ALDH8A1: variants seen among roughly 807,000 people sequenced by gnomAD.
ALDH8A1 encodes the protein 2-aminomuconic semialdehyde dehydrogenase.
A neutral mutation model predicts 43.3 loss-of-function variants in ALDH8A1; 39 were observed. That is an observed-to-expected ratio of 0.90 (90% CI 0.70 to 1.18). The LOEUF is 1.18. Ranked by LOEUF, ALDH8A1 falls within the 50% of genes most tolerant of loss-of-function variation. The pLI is 0.00. For missense variants in ALDH8A1, 605 were observed against 622.6 expected, an observed-to-expected ratio of 0.97 and a Z score of 0.30; for synonymous variants, 233 against 243.5, an observed-to-expected ratio of 0.96 and a Z score of 0.40.
chr6:134,927,857 G>T (rs1776912090), intron 6 of ALDH8A1, among the ~76,000 whole-genome samples: 1 of 152,098 alleles, frequency 6.6e-6, no homozygotes, highest in Non-Finnish European at 1.5e-5. Flanking sequence ...GTGTGGGCAG[G>T]CAGGCAGGGA....
Position 134,946,786 on chromosome 6 carries a change from G to GCATGTGTGCGCGCA in ALDH8A1, c.139-2821_139-2820insTGCGCGCACACATG, listed in dbSNP as rs1562261616. Among the ~76,000 whole-genome samples, 215 of 150,150 alleles carry GCATGTGTGCGCGCA rather than the reference G, an allele frequency of 1.4e-3. 1 individual carries two copies. Among genetic ancestry groups the GCATGTGTGCGCGCA allele is most frequent in the African/African-American group, 4.5e-3 (178 of 39,736 alleles). ...CACACAGGTGCGCATGTGTGCGCGC[G>GCATGTGTGCGCGCA]CGCACAGGTGCGCATGTGTGCGTGC... On this transcript the variant is annotated intron_variant, in intron 1 of 6. Transcript: ENST00000265605.
At chr6:134,938,417 C>T (rs1160001512) in intron 4 of ALDH8A1, among the ~76,000 whole-genome samples, 1 of 152,162 alleles carries the variant, frequency 6.6e-6, no homozygotes, top group Non-Finnish European at 1.5e-5. Flanking sequence ...AAGGAGCAAA[C>T]GTGTGAACCT....
chr6:134,943,679 G>A, intron 2 of ALDH8A1, 140 bp downstream of exon 2: 1 of 1,318,508 alleles, frequency 7.6e-7, no homozygotes, highest in Non-Finnish European at 1.0e-6. Context: ...CCCAGGCCTG[G>A]AGCAGGGGAG....
intron 6 of ALDH8A1, among the ~76,000 whole-genome samples, chr6:134,923,492 T>C (rs1040445329): frequency 3.3e-5 from 5 of 152,180 alleles, no homozygotes; most frequent in Admixed American, 2.6e-4. Context: ...CTAAGATTCA[T>C]CATTTCCAAA....
chr6:134,935,542 G>A (rs961536549), intron 4 of ALDH8A1, among the ~76,000 whole-genome samples: 16 of 152,228 alleles, frequency 1.1e-4, no homozygotes, highest in Admixed American at 9.8e-4. Context: ...GTATAATCAC[G>A]CTGTGTCTAG....
chr6:134,919,367 T>C (rs888975930), intron 6 of ALDH8A1, among the ~76,000 whole-genome samples: 1 of 152,168 alleles, frequency 6.6e-6, no homozygotes, highest in African/African-American at 2.4e-5. Context: ...ATGTGTAAGA[T>C]TTAGTTAAAG....
At chr6:134,946,783 CGCGCGCACAGGTGCGCATGTGTGCGT>C (rs1773958527) in intron 1 of ALDH8A1, among the ~76,000 whole-genome samples, 1 of 149,090 alleles carries the variant, frequency 6.7e-6, no homozygotes, top group Admixed American at 6.6e-5. Context: ...CATGTGTGCG[CGCGCGCACAGGTGCGCATGTGTGCGT>C]GCACGCACAG....
At chr6:134,931,720 A>T (rs1267235901) in intron 5 of ALDH8A1, among the ~76,000 whole-genome samples, 2 of 152,216 alleles carry the variant, frequency 1.3e-5, no homozygotes, top group South Asian at 4.1e-4. Context: ...TTGTATTGTA[A>T]AAGTATATTG....
Position 134,929,086 on chromosome 6 carries a change from C to T in ALDH8A1, c.979G>A (p.Gly327Ser), listed in dbSNP as rs1306879448. The change falls in exon 6 of 7, where the codon GGT (glycine) becomes AGT (serine). Residue 327 changes from glycine to serine, a missense_variant. Coordinates refer to ENST00000265605, the MANE Select transcript of ALDH8A1 (RefSeq NM_022568.4). ...GIPSDPLVSIGALISKAHLEK... is the reference protein window; with the variant it reads ...GIPSDPLVSISALISKAHLEK... The stretch of plus-strand genomic sequence containing the variant: ...AAATGTGCTTTACTTATCAGAGCAC[C>T]TATGCTCACCAGTGGATCAGAGGGA... The T allele has an allele frequency of 1.9e-6, 3 of 1,614,160 alleles. No individual in the cohort carries two copies. The African/African-American group carries it at 4.0e-5, about 22-fold the overall frequency.
At chr6:134,941,247 C>T (rs1562259054) in intron 3 of ALDH8A1, 1 of 152,184 alleles carries the variant, frequency 6.6e-6, no homozygotes, top group African/African-American at 2.4e-5. Context: ...CGATCTATCA[C>T]CCAGGCTGGA....
At chr6:134,949,845 T>C (rs2114716903) in intron 1 of ALDH8A1, 71 bp downstream of exon 1, 2 of 1,461,476 alleles carry the variant, frequency 1.4e-6, no homozygotes, top group Non-Finnish European at 1.8e-6. Flanking sequence ...CCTCTGCTTT[T>C]AGAAAACTGT....
intron 6 of ALDH8A1, among the ~76,000 whole-genome samples, chr6:134,921,242 C>G (rs1013869045): frequency 6.6e-6 from 1 of 152,150 alleles, no homozygotes; most frequent in African/African-American, 2.4e-5. Context: ...TTGGTTAGGT[C>G]TGAAGCCTGG....
Position 134,918,275 on chromosome 6 carries a change from A to T in ALDH8A1, c.*140T>A. 1.3e-6 allele frequency: 1 copy of T among 770,114 alleles called. No individual in the cohort carries two copies. Among genetic ancestry groups the T allele is most frequent in the Admixed American group, 2.9e-5 (1 of 34,452 alleles). The allele number at this position is 770,114 out of a possible 1,614,324, so 47.7% of individuals were successfully genotyped here. A position where few individuals can be genotyped will look rare whatever the true frequency, so the allele number is the denominator to read the frequency against. On this transcript the variant is annotated 3_prime_UTR_variant, in exon 7 of 7. Coordinates refer to ENST00000265605, the MANE Select transcript of ALDH8A1 (RefSeq NM_022568.4). ...TCTTCACTAGTGGGTAAAGTTACTA[A>T]GAACTGAGGATAAGCTAGAGATAAC...
chr6:134,922,505 A>G (rs1357612193), intron 6 of ALDH8A1, among the ~76,000 whole-genome samples: 1 of 151,858 alleles, frequency 6.6e-6, no homozygotes, highest in Non-Finnish European at 1.5e-5. Flanking sequence ...CTCCTGCCTC[A>G]GCCTCCCGAG....
intron 6 of ALDH8A1, among the ~76,000 whole-genome samples, chr6:134,922,029 T>C (rs1776810678): frequency 6.6e-6 from 1 of 152,186 alleles, no homozygotes. Context: ...GCTCACTCGG[T>C]GTAAAGCCAT....
intron 6 of ALDH8A1, among the ~76,000 whole-genome samples, chr6:134,923,284 C>T (rs949180640): frequency 6.6e-6 from 1 of 151,942 alleles, no homozygotes; most frequent in Non-Finnish European, 1.5e-5. Context: ...CCTGCCTCGG[C>T]CTCCCACAGT....
At position 134,929,118 on chromosome 6, in the gene ALDH8A1, A is replaced by C. The variant is rs751133124; in HGVS notation, c.947T>G (p.Val316Gly). The change falls in exon 6 of 7, where the codon GTC (valine) becomes GGC (glycine). Residue 316 changes from valine (V) to glycine (G), a missense_variant. Val to Gly is a moderately radical substitution (Grantham distance 109). Transcript: ENST00000265605. ...CACCAGTGGATCAGAGGGAATGCCG[A>C]CTTTCCACTTTCTGGTAGCTTCTAC... ...RFVEATRKWK[V>G]GIPSDPLVSI... The C allele has an allele frequency of 1.2e-6, 2 of 1,614,218 alleles. No homozygotes were observed. The highest frequency in any genetic ancestry group is 2.2e-5 in the East Asian group (1 of 44,886).
chr6:134,949,714 C>T (rs977099562), intron 1 of ALDH8A1, among the ~76,000 whole-genome samples: 1 of 152,088 alleles, frequency 6.6e-6, no homozygotes, highest in African/African-American at 2.4e-5. Flanking sequence ...AAATGACTTA[C>T]TTTCTGCATA....
intron 1 of ALDH8A1, 35 bp downstream of exon 1, chr6:134,949,881 A>T: frequency 6.5e-7 from 1 of 1,528,200 alleles, no homozygotes; most frequent in South Asian, 1.3e-5. Flanking sequence ...AACATATTAA[A>T]CACATTTCAG....
Sources: gnomAD v4.1 joint callset for allele counts (sites outside exome capture counted in the v4.1 genomes callset) on GRCh38, gnomAD v4.1.1 for gene constraint, MANE v1.5 for transcripts, NCBI Gene and HGNC (gene_info 2026-07-23, HGNC 2026-07-21) for gene names.